ACTR3B: variants seen among roughly 807,000 people sequenced by gnomAD.
The protein encoded by ACTR3B is actin-related protein 3B.
Under a neutral mutation model 59.0 loss-of-function variants are expected in ACTR3B, and 8 were observed. That is an observed-to-expected ratio of 0.14 (90% CI 0.08 to 0.24). The LOEUF (loss-of-function observed/expected upper bound fraction) is 0.24. Ranked by LOEUF, ACTR3B falls within the 10% of genes least tolerant of loss-of-function variation. The pLI is 1.00. For missense variants in ACTR3B, 245 were observed against 552.3 expected (o/e 0.44, Z 5.58); for synonymous variants, 148 against 197.9 (o/e 0.75, Z 2.12).
At chr7:152,850,982 C>T (rs1275668127) in intron 9 of ACTR3B, among the ~76,000 whole-genome samples, 1 of 152,192 alleles carries the variant, frequency 6.6e-6, no homozygotes, top group Admixed American at 6.5e-5. Context: ...GTAGTTTTCA[C>T]ATAAGGTGTT....
At chr7:152,842,279 T>A (rs888507624) in intron 9 of ACTR3B, among the ~76,000 whole-genome samples, 3 of 152,184 alleles carry the variant, frequency 2.0e-5, no homozygotes, top group Admixed American at 2.0e-4. Context: ...AATAATAATA[T>A]GGATCAGTTA....
chr7:152,839,448 CTT>C (rs1246882283), intron 9 of ACTR3B, among the ~76,000 whole-genome samples: 1 of 146,634 alleles, frequency 6.8e-6, no homozygotes, highest in African/African-American at 2.6e-5. Flanking sequence ...CCTCAGCGTC[CTT>C]CTCGGCAGAA....
intron 4 of ACTR3B, among the ~76,000 whole-genome samples, chr7:152,804,690 C>G (rs1400338175): frequency 2.6e-5 from 4 of 152,174 alleles, no homozygotes; most frequent in African/African-American, 9.7e-5. Flanking sequence ...TCAGGAAGGG[C>G]CAGTTTATAC....
chr7:152,851,676 G>A (rs1385862190), intron 9 of ACTR3B, among the ~76,000 whole-genome samples: 5 of 152,222 alleles, frequency 3.3e-5, no homozygotes, highest in East Asian at 1.9e-4. Flanking sequence ...GTTCCTTCCG[G>A]TAACTTGGAT....
intron 1 of ACTR3B, among the ~76,000 whole-genome samples, chr7:152,772,195 A>G (rs1167529211): frequency 4.6e-5 from 7 of 151,948 alleles, no homozygotes; most frequent in Non-Finnish European, 1.0e-4. Context: ...CAACAGTGTA[A>G]TGTGCCAAAA....
At chr7:152,773,476 A>C (rs1389082075) in intron 1 of ACTR3B, among the ~76,000 whole-genome samples, 1 of 151,998 alleles carries the variant, frequency 6.6e-6, no homozygotes, top group African/African-American at 2.4e-5. Flanking sequence ...AATACCAGCT[A>C]CTCAGGAGGC....
At chr7:152,786,204 G>A (rs1300571903) in intron 2 of ACTR3B, among the ~76,000 whole-genome samples, 1 of 92,214 alleles carries the variant, frequency 1.1e-5, no homozygotes, top group African/African-American at 4.4e-5. Flanking sequence ...TATTGGAAGA[G>A]TTCAGGTGTG....
rs1186995076 is a variant in ACTR3B at position 152,804,146 on chromosome 7, G to A, written c.336+2415G>A. Among the ~76,000 whole-genome samples, 3 of 152,230 alleles carry A rather than the reference G, an allele frequency of 2.0e-5. No homozygotes were observed. The East Asian group carries it at 5.8e-4, about 29-fold the overall frequency. On this transcript the variant is annotated intron_variant, in intron 4 of 11. Transcript: ENST00000256001. ...CTGACTGTTTTCAAGGAGGTGCAGA[G>A]ACTCAGCTTACACTGGTTATGTGGA...
In ACTR3B at chr7:152,801,014, T is replaced by C. The variant is rs1590298339; in HGVS notation, c.225+359T>C. 1.4e-4 allele frequency among the ~76,000 whole-genome samples: 22 copies of C among 152,416 alleles called. No homozygotes were observed. In the South Asian group the frequency reaches 4.6e-3, roughly 32 times the overall value. ...AACGTTATTTAAGCAGACTTTTTTTTTTTAAAGCTCCAGATCCAATTGTAT... is the reference window on the plus strand; with the variant it reads ...AACGTTATTTAAGCAGACTTTTTTTCTTTAAAGCTCCAGATCCAATTGTAT... On this transcript the variant is annotated intron_variant, in intron 3 of 11. Coordinates refer to ENST00000256001, the MANE Select transcript of ACTR3B (RefSeq NM_020445.6).
At chr7:152,760,651 A>G (rs1329740952) in intron 1 of ACTR3B, among the ~76,000 whole-genome samples, 1 of 152,212 alleles carries the variant, frequency 6.6e-6, no homozygotes, top group Non-Finnish European at 1.5e-5. Flanking sequence ...TTGGGAGAGC[A>G]TGTTTGTGGA....
At chr7:152,760,807 A>G (rs980658192) in intron 1 of ACTR3B, among the ~76,000 whole-genome samples, 5 of 152,142 alleles carry the variant, frequency 3.3e-5, no homozygotes, top group Non-Finnish European at 5.9e-5. Context: ...TGCTGAATCC[A>G]TGTAGCTGGT....
Position 152,781,372 on chromosome 7 carries a change from T to A in ACTR3B, c.45-1815T>A, listed in dbSNP as rs1590229740. Among the ~76,000 whole-genome samples, 3 of 152,184 alleles carry A rather than the reference T, an allele frequency of 2.0e-5. No individual in the cohort carries two copies. The South Asian group carries it at 6.2e-4, about 32-fold the overall frequency. On this transcript the variant is annotated intron_variant, in intron 1 of 11. Coordinates refer to ENST00000256001, the MANE Select transcript of ACTR3B (RefSeq NM_020445.6). ...GGTCCTTCCGCTGGCGGTTTGACAA[T>A]GATTACCTTTTTTACAACTGGTGAG...
intron 2 of ACTR3B, among the ~76,000 whole-genome samples, chr7:152,799,988 CTT>C (rs1194527873): frequency 6.6e-6 from 1 of 152,066 alleles, no homozygotes; most frequent in Admixed American, 6.5e-5. Flanking sequence ...GATTATGGTA[CTT>C]TTTTTGGCTA....
intron 1 of ACTR3B, among the ~76,000 whole-genome samples, chr7:152,766,666 A>G (rs2098111413): frequency 6.6e-6 from 1 of 152,120 alleles, no homozygotes; most frequent in Non-Finnish European, 1.5e-5. Flanking sequence ...TTACCATGCA[A>G]AGTTTGTTTT....
intron 4 of ACTR3B, among the ~76,000 whole-genome samples, chr7:152,804,650 T>C (rs1220338388): frequency 2.6e-5 from 4 of 152,176 alleles, no homozygotes; most frequent in South Asian, 2.1e-4. Context: ...TAAGGAGATA[T>C]GTATAGTCAA....
intron 1 of ACTR3B, among the ~76,000 whole-genome samples, chr7:152,774,597 C>T (rs1164923224): frequency 6.6e-6 from 1 of 151,832 alleles, no homozygotes; most frequent in Non-Finnish European, 1.5e-5. Flanking sequence ...CAGAGTTTAC[C>T]TTACAATAAT....
chr7:152,784,593 C>G (rs2098165389), intron 2 of ACTR3B, among the ~76,000 whole-genome samples: 1 of 152,192 alleles, frequency 6.6e-6, no homozygotes, highest in Non-Finnish European at 1.5e-5. Context: ...TCTTAGTGTG[C>G]TTGGGCTGCC....
intron 9 of ACTR3B, among the ~76,000 whole-genome samples, chr7:152,844,724 A>C (rs1445330469): frequency 1.3e-5 from 2 of 149,580 alleles, no homozygotes; most frequent in African/African-American, 2.4e-5. Flanking sequence ...TTGGTGACCT[A>C]GTTTGATTAC....
chr7:152,821,397 C>A (rs576888851), intron 7 of ACTR3B, among the ~76,000 whole-genome samples: 16 of 151,888 alleles, frequency 1.1e-4, no homozygotes, highest in African/African-American at 3.9e-4. Context: ...GAGGCTGAGG[C>A]TGGAGCATTG....
Sources: gnomAD v4.1 joint callset for allele counts (sites outside exome capture counted in the v4.1 genomes callset) on GRCh38, gnomAD v4.1.1 for gene constraint, MANE v1.5 for transcripts, NCBI Gene and HGNC (gene_info 2026-07-23, HGNC 2026-07-21) for gene names.